Variants in SPDEF observed in about 807,000 individuals in gnomAD.
The protein encoded by SPDEF is SAM pointed domain-containing Ets transcription factor.
Under a neutral mutation model 36.0 loss-of-function variants are expected in SPDEF, and 12 were observed. The observed-to-expected ratio is 0.33, with a 90% confidence interval of 0.21 to 0.54. SPDEF has a LOEUF of 0.54. Ranked by LOEUF, SPDEF falls within the 20% of genes least tolerant of loss-of-function variation. The probability of loss-of-function intolerance (pLI) is 0.93; values close to 1 mark genes in which losing one functional copy is unlikely to be tolerated. For synonymous variants in SPDEF, 205 were observed against 193.0 expected (o/e 1.06, Z -0.51); for missense variants, 388 against 456.9 (o/e 0.85, Z 1.37).
rs937150050 is a variant in SPDEF, at chr6:34,539,179, C to T, written c.829+71G>A. On this transcript the variant is annotated intron_variant, in intron 5 of 5. Coordinates refer to ENST00000374037, the MANE Select transcript of SPDEF (RefSeq NM_012391.3). This position sits in a 1 kb window ranked among gnomAD's most constrained non-coding sequence, Gnocchi z 5.2. The stretch of plus-strand genomic sequence containing the variant: ...TCTGCCCGCCCCTGCCCCCATGCAC[C>T]GTGCCTGGCAGAAGCCCCCACAACC... 70 of 1,567,918 alleles carry T rather than the reference C, an allele frequency of 4.5e-5. No homozygotes were observed. Among genetic ancestry groups the T allele is most frequent in the Non-Finnish European group, 5.8e-5 (67 of 1,150,528 alleles).
chr6:34,554,533 G>C (rs1768126984), intron 1 of SPDEF, among the ~76,000 whole-genome samples: 1 of 152,262 alleles, frequency 6.6e-6, no homozygotes, highest in Middle Eastern at 3.2e-3. Flanking sequence ...TACATGCACT[G>C]TCAGCCTCTC....
chr6:34,550,752 G>C (rs1410982967), intron 1 of SPDEF, among the ~76,000 whole-genome samples: 2 of 152,208 alleles, frequency 1.3e-5, no homozygotes, highest in African/African-American at 4.8e-5. Flanking sequence ...AGGCTTTGTG[G>C]GGCGGGAGGC....
At chr6:34,547,496 GCTGGGACTAC>G (rs1767979489) in intron 1 of SPDEF, among the ~76,000 whole-genome samples, 1 of 152,124 alleles carries the variant, frequency 6.6e-6, no homozygotes, top group Non-Finnish European at 1.5e-5. Flanking sequence ...CTCCCAAGTA[GCTGGGACTAC>G]AGGTGTGTGC....
At chr6:34,550,896 A>G (rs3778071) in intron 1 of SPDEF, among the ~76,000 whole-genome samples, 1,724 of 152,296 alleles carry the variant, frequency 0.011, 44 homozygotes, top group East Asian at 0.097. Flanking sequence ...GCATCAGTGA[A>G]GCCTCCTCTG....
In SPDEF at chr6:34,539,933, C is replaced by T. The variant is rs1203313473; in HGVS notation, c.635-371G>A. Among the ~76,000 whole-genome samples the T allele has an allele frequency of 2.6e-5, 4 of 152,184 alleles. No homozygotes were observed. The East Asian group carries it at 7.7e-4, about 29-fold the overall frequency. Reference sequence around the variant, plus strand: ...ACCACCTCCTCCAAAGCACCTGGCCCTGTGCAGGCAGCAGTGGGTGCCCAC... The same window carrying T: ...ACCACCTCCTCCAAAGCACCTGGCCTTGTGCAGGCAGCAGTGGGTGCCCAC... On this transcript the variant is annotated intron_variant, in intron 3 of 5. Transcript: ENST00000374037. The surrounding 1 kb of genome is among the most constrained non-coding windows in gnomAD (Gnocchi z 5.2).
chr6:34,538,537 T>C lies in SPDEF; in HGVS notation c.830-85A>G. ...GACGCAGACCACCAGGTCAGCCTCG[T>C]GGCGAACCAAGGGACCCCGTGCAGA... On this transcript the variant is annotated intron_variant, in intron 5 of 5. Coordinates refer to ENST00000374037, the MANE Select transcript of SPDEF (RefSeq NM_012391.3). The surrounding 1 kb of genome is among the most constrained non-coding windows in gnomAD (Gnocchi z 5.9). The C allele has an allele frequency of 7.0e-7, 1 of 1,433,604 alleles. No homozygotes were observed. Among genetic ancestry groups the C allele is most frequent in the African/African-American group, 1.4e-5 (1 of 70,876 alleles). 88.8% of individuals were successfully genotyped at this position (1,433,604 alleles called of 1,614,324 possible).
intron 1 of SPDEF, among the ~76,000 whole-genome samples, chr6:34,550,945 C>A (rs977644787): frequency 6.6e-6 from 1 of 152,328 alleles, no homozygotes; most frequent in Non-Finnish European, 1.5e-5. Flanking sequence ...CCACACACAC[C>A]CTCACTGGCA....
Position 34,552,443 on chromosome 6 carries a change from G to A in SPDEF, c.-30+3486C>T, listed in dbSNP as rs1768081938. Among the ~76,000 whole-genome samples the A allele has an allele frequency of 6.6e-6, 1 of 152,230 alleles. No homozygotes were observed. Among genetic ancestry groups the A allele is most frequent in the African/African-American group, 2.4e-5 (1 of 41,454 alleles). On this transcript the variant is annotated intron_variant, in intron 1 of 5. Transcript: ENST00000374037. The surrounding 1 kb of genome is among the most constrained non-coding windows in gnomAD (Gnocchi z 4.6). The stretch of plus-strand genomic sequence containing the variant: ...AAAGACAGCTGTGTGTCTGGATTTT[G>A]AAGTCACCAGGCAGGACAGCGATGT...
Position 34,538,441 on chromosome 6 carries a change from T to A in SPDEF, c.841A>T (p.Ile281Phe). 4 of 1,613,120 alleles carry A rather than the reference T, an allele frequency of 2.5e-6. No individual in the cohort carries two copies. The highest frequency in any genetic ancestry group is 3.4e-6 in the Non-Finnish European group (4 of 1,179,480). Residue 281 changes from isoleucine (I) to phenylalanine (F), a missense_variant, in exon 6 of 6, where the codon ATT (isoleucine) becomes TTT (phenylalanine). Around this residue, in one of 2 missense-constraint regions of SPDEF, gnomAD observed 80 missense variants for 130.8 expected, o/e 0.61. Transcript: ENST00000374037. The surrounding 1 kb of genome is among the most constrained non-coding windows in gnomAD (Gnocchi z 5.9). ...CGGGCCACCTGGGCTGAGTCCTCAA[T>A]TTTGAAGATGCCTAGAGCAGGAGGG... is the stretch of plus-strand genomic sequence containing the variant. ...WLNKEKGIFK[I>F]EDSAQVARLW...
rs1768083191 is a variant in SPDEF, at chr6:34,552,505, A to G, written c.-30+3424T>C. Among the ~76,000 whole-genome samples, 2 of 152,212 alleles carry G rather than the reference A, an allele frequency of 1.3e-5. No individual in the cohort carries two copies. The highest frequency in any genetic ancestry group is 2.9e-5 in the Non-Finnish European group (2 of 68,044). On this transcript the variant is annotated intron_variant, in intron 1 of 5. Transcript: ENST00000374037. The surrounding 1 kb of genome is among the most constrained non-coding windows in gnomAD (Gnocchi z 4.6). ...ACTGTCTCCCGAGAGGTGTGTGTCC[A>G]CAGTGGTGACTGCTGTCTCCATCTG...
At position 34,548,832 on chromosome 6, in the gene SPDEF, T is replaced by G. The variant is rs373394379; in HGVS notation, c.-29-4348A>C. 1.1e-4 allele frequency among the ~76,000 whole-genome samples: 16 copies of G among 152,114 alleles called. No homozygotes were observed. In the East Asian group the frequency reaches 1.4e-3, roughly 13 times the overall value. The stretch of plus-strand genomic sequence containing the variant: ...CCTGCGACTTCCTAGGCTCGCCTCA[T>G]CTGTGCCATGCAATTCAGCCCAGGA... On this transcript the variant is annotated intron_variant, in intron 1 of 5. Coordinates refer to ENST00000374037, the MANE Select transcript of SPDEF (RefSeq NM_012391.3).
intron 2 of SPDEF, among the ~76,000 whole-genome samples, chr6:34,542,506 C>T (rs188273116): frequency 6.6e-6 from 1 of 152,384 alleles, no homozygotes; most frequent in Non-Finnish European, 1.5e-5. Context: ...ATCTGTGTCA[C>T]TCACTATCAT....
rs995854785 is a variant in SPDEF, at chr6:34,555,170, G to A, written c.-30+759C>T. ...CCTCCACCAGCCTCAGGGGCACCCAGTCGCCCAGGCCCTTCAGCTTCCCAC... is the reference window on the plus strand; with the variant it reads ...CCTCCACCAGCCTCAGGGGCACCCAATCGCCCAGGCCCTTCAGCTTCCCAC... On this transcript the variant is annotated intron_variant, in intron 1 of 5. Transcript: ENST00000374037. The surrounding 1 kb of genome is among the most constrained non-coding windows in gnomAD (Gnocchi z 5.2). Among the ~76,000 whole-genome samples the A allele has an allele frequency of 6.6e-6, 1 of 151,674 alleles. No individual in the cohort carries two copies. Among genetic ancestry groups the A allele is most frequent in the Non-Finnish European group, 1.5e-5 (1 of 67,962 alleles).
intron 1 of SPDEF, among the ~76,000 whole-genome samples, chr6:34,546,301 G>T (rs533172161): frequency 1.3e-5 from 2 of 152,270 alleles, no homozygotes; most frequent in Admixed American, 1.3e-4. Flanking sequence ...CTGGCCAGTT[G>T]GGGGGAAGGC....
rs1000035273 is a variant in SPDEF, at chr6:34,539,150, C to G, written c.829+100G>C. 1 of 1,402,604 alleles carries G rather than the reference C, an allele frequency of 7.1e-7. No homozygotes were observed. Among genetic ancestry groups the G allele is most frequent in the Non-Finnish European group, 9.8e-7 (1 of 1,020,860 alleles). 86.9% of individuals were successfully genotyped at this position (1,402,604 alleles called of 1,614,324 possible). ...AGGACAAAGGTGGGGATCAGCTTCA[C>G]CCCTCTGCCCGCCCCTGCCCCCATG... On this transcript the variant is annotated intron_variant, in intron 5 of 5. Coordinates refer to ENST00000374037, the MANE Select transcript of SPDEF (RefSeq NM_012391.3). The surrounding 1 kb of genome is among the most constrained non-coding windows in gnomAD (Gnocchi z 5.2).
chr6:34,546,014 G>A (rs934537614), intron 1 of SPDEF, among the ~76,000 whole-genome samples: 10 of 152,166 alleles, frequency 6.6e-5, no homozygotes, highest in Non-Finnish European at 1.3e-4. Flanking sequence ...CAGAGAACCA[G>A]TTAGGGAGGA....
chr6:34,554,788 A>C (rs1171292663), intron 1 of SPDEF, among the ~76,000 whole-genome samples: 1 of 152,136 alleles, frequency 6.6e-6, no homozygotes, highest in Non-Finnish European at 1.5e-5. Flanking sequence ...ATCCCTGCCC[A>C]CCAGCTTGGG....
Position 34,544,259 on chromosome 6 carries a change from A to G in SPDEF, c.197T>C (p.Leu66Pro). 6.2e-7 allele frequency: 1 copy of G among 1,613,776 alleles called. No individual in the cohort carries two copies. Among genetic ancestry groups the G allele is most frequent in the Non-Finnish European group, 8.5e-7 (1 of 1,179,946 alleles). The stretch of plus-strand genomic sequence containing the variant: ...TGCCCAGCTGCTGTCCTCAGGGTAC[A>G]GCATGTCAAAGTAGGAGAGGTAGAA... ...SAFYLSYFDM[L>P]YPEDSSWAAK... Residue 66 changes from leucine (L) to proline (P), a missense_variant, in exon 2 of 6, where the codon CTG becomes CCG. Coordinates refer to ENST00000374037, the MANE Select transcript of SPDEF (RefSeq NM_012391.3). This position sits in a 1 kb window ranked among gnomAD's most constrained non-coding sequence, Gnocchi z 4.4.
rs962710942 is a variant in SPDEF, at chr6:34,539,562, G to A, written c.635C>T (p.Ala212Val). 42 of 1,567,928 alleles carry A rather than the reference G, an allele frequency of 2.7e-5. 1 individual carries two copies. The Admixed American group carries it at 3.0e-4, about 11-fold the overall frequency. Residue 212 changes from alanine (A) to valine (V), a missense_variant and splice_region_variant, in exon 4 of 6, where the codon GCG (alanine) becomes GTG (valine). By Grantham distance (64) the Ala-to-Val change is moderately conservative (BLOSUM62 0). This residue lies in a region of SPDEF where 308 missense variants were observed against 326.1 expected (regional missense o/e 0.94). Transcript: ENST00000374037. The surrounding 1 kb of genome is among the most constrained non-coding windows in gnomAD (Gnocchi z 5.2). ...TGAAGTCCGCTCTTTCATCCAGGCCGCTGCAGGGCAAGGAGAGGGGGTTGG... is the reference window on the plus strand; with the variant it reads ...TGAAGTCCGCTCTTTCATCCAGGCCACTGCAGGGCAAGGAGAGGGGGTTGG... The part of the protein sequence containing the change: ...LHAHLDIWKS[A>V]AWMKERTSPG...
Sources: allele counts gnomAD v4.1 joint callset (sites outside exome capture counted in the v4.1 genomes callset), GRCh38; gene constraint gnomAD v4.1.1; regional missense constraint gnomAD v4.1.1; non-coding constraint Gnocchi (gnomAD v3.1); transcripts MANE v1.5; gene names NCBI Gene and HGNC (gene_info 2026-07-23, HGNC 2026-07-21).